Variants in VRK2 observed in about 807,000 individuals in gnomAD.
VRK2 encodes the protein serine/threonine-protein kinase VRK2.
A neutral mutation model predicts 57.6 loss-of-function variants in VRK2; 60 were observed. The observed-to-expected ratio is 1.04, with a 90% confidence interval of 0.85 to 1.29. The LOEUF (loss-of-function observed/expected upper bound fraction) is 1.29, where lower values mean the gene tolerates loss of function less well. VRK2 is among the 50% of genes most tolerant of loss of function. The pLI, the probability that VRK2 is intolerant of heterozygous loss-of-function variation, is 0.00. For synonymous variants in VRK2, 231 were observed against 199.2 expected (o/e 1.16, Z -1.35); for missense variants, 705 against 588.1 (o/e 1.20, Z -2.06).
At chr2:58,141,817 C>G (rs778233235) in intron 11 of VRK2, among the ~76,000 whole-genome samples, 74 of 151,892 alleles carry the variant, frequency 4.9e-4, no homozygotes, top group Non-Finnish European at 7.7e-4. Flanking sequence ...GTTCCCAGTT[C>G]CCCTGAATGA....
chr2:57,985,961 A>C (rs933977824), intron 1 of VRK2, among the ~76,000 whole-genome samples: 1 of 152,184 alleles, frequency 6.6e-6, no homozygotes, highest in Non-Finnish European at 1.5e-5. Context: ...AAATCCAACT[A>C]AATATGGACT....
intron 1 of VRK2, among the ~76,000 whole-genome samples, chr2:58,018,418 A>T (rs1338033259): frequency 6.6e-6 from 1 of 152,214 alleles, no homozygotes; most frequent in East Asian, 1.9e-4. Context: ...TTTGTGAATC[A>T]TGTATGTGAG....
chr2:58,133,725 A>G (rs1204681247), intron 9 of VRK2, among the ~76,000 whole-genome samples: 2 of 152,130 alleles, frequency 1.3e-5, no homozygotes, highest in Non-Finnish European at 2.9e-5. Context: ...CAGATTTCAG[A>G]TATTTTTAGA....
chr2:58,020,028 T>A (rs922035785), intron 1 of VRK2, among the ~76,000 whole-genome samples: 1 of 152,174 alleles, frequency 6.6e-6, no homozygotes, highest in African/African-American at 2.4e-5. Context: ...AAGGTCTACA[T>A]GGAGAAAATG....
At chr2:58,150,849 T>C (rs1682914588) in intron 12 of VRK2, among the ~76,000 whole-genome samples, 1 of 151,644 alleles carries the variant, frequency 6.6e-6, no homozygotes. Context: ...ATCAGTTCAA[T>C]GTATTTTCTA....
At chr2:57,918,989 T>A in intron 1 of VRK2, among the ~76,000 whole-genome samples, 1 of 152,164 alleles carries the variant, frequency 6.6e-6, no homozygotes, top group Non-Finnish European at 1.5e-5. Context: ...GAATGTGGGC[T>A]GTAAGAATTA....
Position 58,084,138 on chromosome 2 carries a change from G to A in VRK2, c.186G>A (p.Val62=). Residue 62 remains valine, a splice_region_variant and synonymous_variant, in exon 3 of 13, where the codon GTG becomes GTA. Coordinates refer to ENST00000340157, the MANE Select transcript of VRK2 (RefSeq NM_006296.7). ...PEKDARHVVK[V]EYQENGPLFS... ...AAGATGCAAGACATGTAGTAAAAGT[G>A]GTAAGTGTTGCTCATAGATTTGTAT... The A allele has an allele frequency of 4.4e-6, 7 of 1,604,256 alleles. No homozygotes were observed. The highest frequency in any genetic ancestry group is 5.1e-6 in the Non-Finnish European group (6 of 1,174,008).
intron 1 of VRK2, among the ~76,000 whole-genome samples, chr2:57,998,339 A>G (rs1672988940): frequency 1.3e-5 from 2 of 152,246 alleles, no homozygotes; most frequent in South Asian, 4.1e-4. Flanking sequence ...AATACAATCA[A>G]TCAATAAAAT....
intron 9 of VRK2, among the ~76,000 whole-genome samples, chr2:58,134,311 A>G (rs1339947422): frequency 1.3e-5 from 2 of 152,194 alleles, no homozygotes; most frequent in Non-Finnish European, 2.9e-5. Context: ...AATAAATGCT[A>G]CATACATCAA....
At position 58,133,220 on chromosome 2, in the gene VRK2, T is replaced by A. The variant is rs149541586; in HGVS notation, c.797+1292T>A. ...AGGTATCTATAATGAATATACCTGC[T>A]TATGCATATTTATAATAGGATGTCA... On this transcript the variant is annotated intron_variant, in intron 9 of 12. Transcript: ENST00000340157. Among the ~76,000 whole-genome samples, 439 of 145,850 alleles carry A rather than the reference T, an allele frequency of 3.0e-3. 5 individuals are homozygous for A. The highest frequency in any genetic ancestry group is 4.8e-3 in the African/African-American group (168 of 35,316).
At chr2:58,058,402 C>T (rs1553387097) in intron 2 of VRK2, 6 of 470,494 alleles carry the variant, frequency 1.3e-5, no homozygotes, top group South Asian at 7.8e-5. Context: ...GTAAAGGCAG[C>T]TTCCCGCAAA....
chr2:58,137,165 T>TCATATATATATAA lies in VRK2; in HGVS notation c.856+1973_856+1974insATATAACATATAT, dbSNP rs1553422335. Reference sequence around the variant, plus strand: ...CATATATATCATGTGTTTATATATATCATATATCATATATATCATATATGA... The same window carrying TCATATATATATAA: ...CATATATATCATGTGTTTATATATATCATATATATATAACATATATCATATATATCATATATGA... On this transcript the variant is annotated intron_variant, in intron 10 of 12. Coordinates refer to ENST00000340157, the MANE Select transcript of VRK2 (RefSeq NM_006296.7). Among the ~76,000 whole-genome samples, 9 of 4,900 alleles carry TCATATATATATAA rather than the reference T, an allele frequency of 1.8e-3. No individual in the cohort carries two copies. In the Admixed American group the frequency reaches 0.051, roughly 28 times the overall value. The allele number at this position is 4,900 out of a possible 152,430, so 3.2% of individuals were successfully genotyped here. A position where few individuals can be genotyped will look rare whatever the true frequency, so the allele number is the denominator to read the frequency against.
intron 2 of VRK2, among the ~76,000 whole-genome samples, chr2:58,058,710 A>T (rs996015840): frequency 7.9e-5 from 12 of 152,194 alleles, no homozygotes; most frequent in African/African-American, 2.9e-4. Flanking sequence ...TAAAGTACTA[A>T]AATCCTTCAC....
chr2:57,982,174 G>A (rs115603693), intron 1 of VRK2, among the ~76,000 whole-genome samples: 2,397 of 152,236 alleles, frequency 0.016, 63 homozygotes, highest in African/African-American at 0.055. Flanking sequence ...AGCACTCCTG[G>A]GCTATGTGCT....
At chr2:58,107,831 T>C (rs1674975975) in intron 7 of VRK2, among the ~76,000 whole-genome samples, 1 of 152,168 alleles carries the variant, frequency 6.6e-6, no homozygotes, top group African/African-American at 2.4e-5. Context: ...CAAATGTTTT[T>C]CTCCCTGTCT....
intron 2 of VRK2, among the ~76,000 whole-genome samples, chr2:58,068,956 C>G (rs1371882070): frequency 6.6e-6 from 1 of 151,800 alleles, no homozygotes; most frequent in East Asian, 1.9e-4. Context: ...TTTATTGAAA[C>G]ATTTTTATAA....
intron 7 of VRK2, among the ~76,000 whole-genome samples, chr2:58,112,440 A>C (rs957367992): frequency 2.6e-5 from 4 of 152,162 alleles, no homozygotes; most frequent in African/African-American, 9.7e-5. Flanking sequence ...GCAAAATTCT[A>C]GACTGTCTTT....
intron 10 of VRK2, among the ~76,000 whole-genome samples, chr2:58,136,683 C>T (rs890298430): frequency 4.4e-4 from 67 of 151,204 alleles, no homozygotes; most frequent in Admixed American, 6.0e-4. Flanking sequence ...CTGCGCCTGG[C>T]CCTTATTGGC....
At chr2:57,928,557 G>T (rs6709119) in intron 1 of VRK2, among the ~76,000 whole-genome samples, 1 of 152,006 alleles carries the variant, frequency 6.6e-6, no homozygotes, top group Non-Finnish European at 1.5e-5. Flanking sequence ...AGTTCATTTG[G>T]TGAGGTCAGG....
Sources: gnomAD v4.1 joint callset for allele counts (sites outside exome capture counted in the v4.1 genomes callset) on GRCh38, gnomAD v4.1.1 for gene constraint, MANE v1.5 for transcripts, NCBI Gene and HGNC (gene_info 2026-07-23, HGNC 2026-07-21) for gene names.